The following CDH12 variants were observed in gnomAD, a reference collection of about 807,000 sequenced individuals.
CDH12 encodes cadherin 12.
In CDH12, 41 loss-of-function variants were observed where a neutral mutation model predicts 74.1. That is an observed-to-expected ratio of 0.55 (90% CI 0.43 to 0.72). The LOEUF (loss-of-function observed/expected upper bound fraction) is 0.72. CDH12 is among the 30% of genes least tolerant of loss of function. The probability of loss-of-function intolerance (pLI) is 0.00; values close to 1 mark genes in which losing one functional copy is unlikely to be tolerated. For synonymous variants in CDH12, 399 were observed against 355.0 expected, an observed-to-expected ratio of 1.12 and a Z score of -1.39; for missense variants, 945 against 977.2, an observed-to-expected ratio of 0.97 and a Z score of 0.44.
At chr5:22,568,930 T>C (rs1270573971) in intron 1 of CDH12, among the ~76,000 whole-genome samples, 4 of 152,214 alleles carry the variant, frequency 2.6e-5, no homozygotes, top group Non-Finnish European at 5.9e-5. Context: ...TTTTTGCTAG[T>C]GGAGGGTCTT....
intron 4 of CDH12, among the ~76,000 whole-genome samples, chr5:22,187,185 T>C (rs1750004115): frequency 6.6e-6 from 1 of 152,096 alleles, no homozygotes; most frequent in South Asian, 2.1e-4. Context: ...CCCCTAGGAG[T>C]AATAGACCAG....
chr5:21,767,749 T>C (rs527533375), intron 11 of CDH12, among the ~76,000 whole-genome samples: 9 of 151,570 alleles, frequency 5.9e-5, no homozygotes, highest in African/African-American at 1.2e-4. Flanking sequence ...TCTTCTATCA[T>C]GTATTTTCAA....
chr5:22,675,914 T>C (rs1270787214), intron 1 of CDH12, among the ~76,000 whole-genome samples: 1 of 138,568 alleles, frequency 7.2e-6, no homozygotes, highest in Non-Finnish European at 1.6e-5. Context: ...TTGGGGATAT[T>C]GAAACTGAAG....
chr5:22,753,946 T>C (rs1745744190), intron 1 of CDH12, among the ~76,000 whole-genome samples: 1 of 152,164 alleles, frequency 6.6e-6, no homozygotes, highest in Admixed American at 6.5e-5. Context: ...TTCCTCTTAA[T>C]GAAAAGGGGA....
intron 2 of CDH12, among the ~76,000 whole-genome samples, chr5:22,406,017 C>T (rs1369481476): frequency 6.6e-6 from 1 of 152,092 alleles, no homozygotes; most frequent in African/African-American, 2.4e-5. Flanking sequence ...TGTACATATT[C>T]ATTACGGATG....
At chr5:22,693,012 T>C (rs1742164230) in intron 1 of CDH12, among the ~76,000 whole-genome samples, 1 of 151,002 alleles carries the variant, frequency 6.6e-6, no homozygotes, top group African/African-American at 2.4e-5. Context: ...GTTTTCTTTT[T>C]AATTTCTTTT....
chr5:22,189,856 C>T (rs939974788), intron 4 of CDH12, among the ~76,000 whole-genome samples: 12 of 152,202 alleles, frequency 7.9e-5, no homozygotes, highest in African/African-American at 2.2e-4. Flanking sequence ...ATCTTCCCCC[C>T]GCCTATCCCC....
intron 1 of CDH12, among the ~76,000 whole-genome samples, chr5:22,834,674 T>C (rs10070623): frequency 4.2e-4 from 64 of 152,304 alleles, no homozygotes; most frequent in African/African-American, 1.4e-3. Context: ...TTAAGGGGCA[T>C]GTACTTAGAA....
At chr5:22,056,948 C>G (rs1285060316) in intron 5 of CDH12, among the ~76,000 whole-genome samples, 1 of 152,122 alleles carries the variant, frequency 6.6e-6, no homozygotes, top group Non-Finnish European at 1.5e-5. Context: ...ACCAACATCT[C>G]CCCTAAGAAC....
chr5:21,894,382 G>GA (rs376989106), intron 6 of CDH12, among the ~76,000 whole-genome samples: 5,221 of 73,542 alleles, frequency 0.071, 122 homozygotes, highest in Non-Finnish European at 0.089. Flanking sequence ...CCGTCTCAAA[G>GA]AAAAAAAAAA....
chr5:22,725,602 T>A (rs905187294), intron 1 of CDH12, among the ~76,000 whole-genome samples: 2 of 148,816 alleles, frequency 1.3e-5, no homozygotes, highest in East Asian at 2.0e-4. Context: ...CATTTTTTTT[T>A]ATATATATAA....
intron 3 of CDH12, among the ~76,000 whole-genome samples, chr5:22,252,936 G>A (rs1753183835): frequency 1.3e-5 from 2 of 151,584 alleles, no homozygotes; most frequent in African/African-American, 4.8e-5. Context: ...AATATTGTTG[G>A]TGTCATTACT....
chr5:21,766,175 T>C (rs888124848), intron 11 of CDH12, among the ~76,000 whole-genome samples: 2 of 152,000 alleles, frequency 1.3e-5, no homozygotes, highest in African/African-American at 4.8e-5. Flanking sequence ...TTGAAAGGTA[T>C]ACAATATCTT....
rs182929308 is a variant in CDH12, at chr5:21,758,772, C to T, written c.1633+1786G>A. On this transcript the variant is annotated intron_variant, in intron 13 of 14. Transcript: ENST00000382254. ...AGTAGAAGAATAAGTGTACACCATG[C>T]AATAGTTCACAGCCATAAAAAAGAA... Among the ~76,000 whole-genome samples the T allele has an allele frequency of 7.2e-5, 11 of 152,096 alleles. No homozygotes were observed. The East Asian group carries it at 1.9e-3, about 27-fold the overall frequency.
At chr5:22,110,230 C>A (rs965358521) in intron 4 of CDH12, among the ~76,000 whole-genome samples, 4 of 152,090 alleles carry the variant, frequency 2.6e-5, no homozygotes, top group Admixed American at 6.6e-5. Context: ...TGTTTAAGTG[C>A]CTTTAATTCA....
chr5:22,076,987 GC>G (rs898687273), intron 5 of CDH12, among the ~76,000 whole-genome samples: 3 of 151,972 alleles, frequency 2.0e-5, no homozygotes, highest in Admixed American at 2.0e-4. Flanking sequence ...CACTTGAACA[GC>G]CCCTGACTCC....
chr5:22,623,622 T>C (rs1396361424), intron 1 of CDH12, among the ~76,000 whole-genome samples: 5 of 152,216 alleles, frequency 3.3e-5, no homozygotes, highest in African/African-American at 1.2e-4. Flanking sequence ...ATGAAGGACC[T>C]CTTCAAGGAG....
At chr5:22,830,870 T>C (rs964665752) in intron 1 of CDH12, among the ~76,000 whole-genome samples, 1 of 151,632 alleles carries the variant, frequency 6.6e-6, no homozygotes, top group African/African-American at 2.4e-5. Context: ...ACATAATATA[T>C]ATGATTAATA....
At chr5:22,026,456 C>T (rs984812486) in intron 5 of CDH12, among the ~76,000 whole-genome samples, 1 of 152,082 alleles carries the variant, frequency 6.6e-6, no homozygotes, top group South Asian at 2.1e-4. Flanking sequence ...ATGAGTAAAC[C>T]TCCCATTCCC....
Sources: allele counts gnomAD v4.1 joint callset (sites outside exome capture counted in the v4.1 genomes callset), GRCh38; gene constraint gnomAD v4.1.1; transcripts MANE v1.5; gene names NCBI Gene and HGNC (gene_info 2026-07-23, HGNC 2026-07-21).